Variants in TBCD observed in about 807,000 individuals in gnomAD.
TBCD encodes tubulin folding cofactor D, also known as tubulin-specific chaperone D.
TBCD carries 105 observed loss-of-function variants against 169.3 expected under a neutral mutation model. The observed-to-expected ratio is 0.62, with a 90% confidence interval of 0.53 to 0.73. TBCD has a LOEUF of 0.73. Ranked by LOEUF, TBCD falls within the 30% of genes least tolerant of loss-of-function variation. TBCD has a pLI of 0.00. For synonymous variants in TBCD, 700 were observed against 643.9 expected, an observed-to-expected ratio of 1.09 and a Z score of -1.32; for missense variants, 1,444 against 1,600.1, an observed-to-expected ratio of 0.90 and a Z score of 1.66.
chr17:82,799,429 A>G (rs149835365), intron 8 of TBCD, among the ~76,000 whole-genome samples: 3,063 of 115,304 alleles, frequency 0.027, 146 homozygotes, highest in African/African-American at 0.095. Flanking sequence ...GCGACAGAGC[A>G]AGACTCTGTC....
intron 35 of TBCD, 62 bp from the exon 36 acceptor site, chr17:82,937,987 G>T: frequency 1.3e-6 from 2 of 1,598,308 alleles, no homozygotes; most frequent in Non-Finnish European, 8.5e-7. Flanking sequence ...TGGGTCCGGG[G>T]TTTGCTGGGG....
chr17:82,932,915 T>C (rs1471002629), intron 34 of TBCD, 180 bp downstream of exon 34: 16 of 626,812 alleles, frequency 2.6e-5, no homozygotes, highest in Middle Eastern at 4.0e-4. Flanking sequence ...AACGCAATAA[T>C]AACATATTTA....
intron 15 of TBCD, among the ~76,000 whole-genome samples, chr17:82,887,168 T>TGTGTGCGCGCGCGC: frequency 2.0e-4 from 25 of 126,194 alleles, no homozygotes; most frequent in Non-Finnish European, 2.8e-4. Context: ...TGTGTGTGTG[T>TGTGTGCGCGCGCGC]GCGCGCGCGC....
intron 15 of TBCD, among the ~76,000 whole-genome samples, chr17:82,885,498 T>A (rs1708400447): frequency 6.6e-6 from 1 of 152,222 alleles, no homozygotes; most frequent in South Asian, 2.1e-4. Context: ...TCTCTGTCCC[T>A]GAAGCTGCTC....
At chr17:82,805,345 A>G (rs1345148010) in intron 9 of TBCD, among the ~76,000 whole-genome samples, 4 of 152,198 alleles carry the variant, frequency 2.6e-5, no homozygotes, top group Non-Finnish European at 5.9e-5. Flanking sequence ...TGGCGTGTCC[A>G]GGGGATGACA....
At chr17:82,856,919 G>GACCCTCGGTGCGC (rs1256305532) in intron 13 of TBCD, among the ~76,000 whole-genome samples, 28 of 137,140 alleles carry the variant, frequency 2.0e-4, no homozygotes, top group African/African-American at 7.8e-4. Context: ...ACCGCGTGCG[G>GACCCTCGGTGCGC]ACCCTCGGTG....
intron 13 of TBCD, among the ~76,000 whole-genome samples, chr17:82,865,994 T>C (rs549432394): frequency 1.3e-5 from 2 of 152,372 alleles, no homozygotes; most frequent in African/African-American, 4.8e-5. Context: ...ATGCATTTGC[T>C]GTGTGTAATT....
chr17:82,898,126 T>C (rs546461627), intron 17 of TBCD, among the ~76,000 whole-genome samples: 1 of 132,866 alleles, frequency 7.5e-6, no homozygotes, highest in South Asian at 2.5e-4. Flanking sequence ...CCCGGCTGGT[T>C]TTCTGGTTTT....
intron 14 of TBCD, among the ~76,000 whole-genome samples, chr17:82,877,138 G>A (rs980841126): frequency 6.6e-6 from 1 of 152,296 alleles, no homozygotes; most frequent in East Asian, 1.9e-4. Context: ...TGGAGCCGGC[G>A]GCAATAAAGA....
intron 17 of TBCD, 48 bp from the exon 18 acceptor site, chr17:82,900,603 G>A: frequency 6.7e-7 from 1 of 1,487,372 alleles, no homozygotes. Context: ...CAGGCAGTGA[G>A]TTCTCGTTCT....
intron 13 of TBCD, among the ~76,000 whole-genome samples, chr17:82,820,908 C>T (rs2052365270): frequency 6.6e-6 from 1 of 152,026 alleles, no homozygotes; most frequent in African/African-American, 2.4e-5. Context: ...GTTCTGCACT[C>T]ATTTCAGCTG....
At chr17:82,893,655 A>T in intron 17 of TBCD, 23 bp downstream of exon 17, 3 of 1,518,380 alleles carry the variant, frequency 2.0e-6, no homozygotes, top group Non-Finnish European at 2.7e-6. Context: ...TGTATATCAC[A>T]AAAATAGAAT....
chr17:82,941,994 C>T lies in TBCD; in HGVS notation c.3565-455C>T, dbSNP rs577741419. The T allele has an allele frequency of 2.9e-5, 7 of 241,882 alleles. No homozygotes were observed. The South Asian group carries it at 5.1e-4, about 17-fold the overall frequency. 15.0% of individuals were successfully genotyped at this position (241,882 alleles called of 1,614,324 possible). A position where few individuals can be genotyped will look rare whatever the true frequency, so the allele number is the denominator to read the frequency against. Reference sequence around the variant, plus strand: ...CTCTAGTTACCAGGGTTGGCTCCTTCCTCTCAGCCTCCTTCCGGCAGGAGG... The same window carrying T: ...CTCTAGTTACCAGGGTTGGCTCCTTTCTCTCAGCCTCCTTCCGGCAGGAGG... On this transcript the variant is annotated intron_variant, in intron 38 of 38. Transcript: ENST00000355528.
chr17:82,926,886 G>A (rs1001946279), intron 28 of TBCD: 37 of 507,548 alleles, frequency 7.3e-5, no homozygotes, highest in Non-Finnish European at 8.8e-5. Context: ...GGCCACGCAC[G>A]CCCCCTTCTC....
intron 33 of TBCD, among the ~76,000 whole-genome samples, chr17:82,931,498 GTGCCGGTCGCTCATTCCGCCT>G (rs1056494417): frequency 1.3e-5 from 2 of 152,034 alleles, no homozygotes; most frequent in African/African-American, 2.4e-5. Context: ...TCATTCCTCC[GTGCCGGTCGCTCATTCCGCCT>G]TGCCGTTCGC....
chr17:82,904,213 C>T (rs1465096660), intron 19 of TBCD, among the ~76,000 whole-genome samples: 5 of 148,502 alleles, frequency 3.4e-5, no homozygotes, highest in Admixed American at 2.7e-4. Context: ...ACCTGCCACA[C>T]GACACTCCTT....
intron 14 of TBCD, among the ~76,000 whole-genome samples, chr17:82,876,378 C>A (rs1166771201): frequency 2.0e-5 from 3 of 152,234 alleles, no homozygotes; most frequent in African/African-American, 7.2e-5. Context: ...CTCGCAGTGT[C>A]TCTCTCCAGG....
In TBCD at chr17:82,831,691, ATGG is replaced by A. The variant is rs1158126801; in HGVS notation, c.1318+16761_1318+16763del. On this transcript the variant is annotated intron_variant, in intron 13 of 38. Transcript: ENST00000355528. This position sits in a 1 kb window ranked among gnomAD's most constrained non-coding sequence, Gnocchi z 4.6. ...CCCAGCCAGCAGGTAAGGCGAGTAG[ATGG>A]TGGCCAGCCCGTGCTCTGTGTAAAA... The A allele has an allele frequency of 6.2e-7, 1 of 1,614,098 alleles. No homozygotes were observed. The highest frequency in any genetic ancestry group is 1.3e-5 in the African/African-American group (1 of 75,000).
chr17:82,870,415 G>A (rs781013042), intron 14 of TBCD, 35 bp downstream of exon 14: 19 of 1,599,640 alleles, frequency 1.2e-5, no homozygotes, highest in African/African-American at 4.0e-5. Flanking sequence ...CGGATGCGCC[G>A]TGCCCCCTGA....
Sources: gnomAD v4.1 joint callset for allele counts (sites outside exome capture counted in the v4.1 genomes callset) on GRCh38, gnomAD v4.1.1 for gene constraint, Gnocchi (gnomAD v3.1) non-coding constraint, MANE v1.5 for transcripts, NCBI Gene and HGNC (gene_info 2026-07-23, HGNC 2026-07-21) for gene names.